Variants in CGN observed in about 807,000 individuals in gnomAD.
CGN encodes the protein cingulin.
In CGN, 121 loss-of-function variants were observed where a neutral mutation model predicts 157.1. The observed-to-expected ratio is 0.77, with a 90% confidence interval of 0.66 to 0.90. The LOEUF (loss-of-function observed/expected upper bound fraction) is 0.90, where lower values mean the gene tolerates loss of function less well. Among genes scored for constraint, CGN ranks in the 40% least tolerant of loss-of-function variants. The probability of loss-of-function intolerance (pLI) is 0.00; values close to 1 mark genes in which losing one functional copy is unlikely to be tolerated. For missense variants in CGN, 1,424 were observed against 1,520.9 expected (o/e 0.94, Z 1.06); for synonymous variants, 535 against 607.5 (o/e 0.88, Z 1.76).
rs770623243 is a variant in CGN at position 151,535,912 on chromosome 1, A to G, written c.3197+14A>G. On this transcript the variant is annotated intron_variant, in intron 18 of 20. Coordinates refer to ENST00000271636, the MANE Select transcript of CGN (RefSeq NM_020770.3). Reference sequence around the variant, plus strand: ...GGCTGAAGAGAGGTGACATAAGCCTATCCTTCCTCCCTTCCTCCCTCCTTT... The same window carrying G: ...GGCTGAAGAGAGGTGACATAAGCCTGTCCTTCCTCCCTTCCTCCCTCCTTT... 9 of 1,580,576 alleles carry G rather than the reference A, an allele frequency of 5.7e-6. No individual in the cohort carries two copies. The highest frequency in any genetic ancestry group is 4.0e-4 in the Middle Eastern group (2 of 4,952).
chr1:151,535,767 C>T lies in CGN; in HGVS notation c.3079-13C>T, dbSNP rs1368132560. 1 of 1,612,976 alleles carries T rather than the reference C, an allele frequency of 6.2e-7. No homozygotes were observed. Among genetic ancestry groups the T allele is most frequent in the Non-Finnish European group, 8.5e-7 (1 of 1,178,878 alleles). On this transcript the variant is annotated splice_polypyrimidine_tract_variant and intron_variant, in intron 17 of 20. Coordinates refer to ENST00000271636, the MANE Select transcript of CGN (RefSeq NM_020770.3). ...GTGGAGTGCTAACTGTGGAGGCTTC[C>T]TGTCCCTCTCAGAACAAGGACCTGA...
Position 151,532,416 on chromosome 1 carries a change from G to A in CGN, c.2586G>A (p.Gly862=). The A allele has an allele frequency of 6.4e-7, 1 of 1,574,122 alleles. No homozygotes were observed. The highest frequency in any genetic ancestry group is 8.6e-7 in the Non-Finnish European group (1 of 1,164,740). ...CTGTGTTTCAGTTGGAGAAGATCGG[G>A]GAGGACTCTAAGCAAGCCCTGCAGC... ...DRLNKELEKI[G]EDSKQALQQL... Residue 862 remains glycine (G), a synonymous_variant, in exon 14 of 21, where the codon GGG becomes GGA. Coordinates refer to ENST00000271636, the MANE Select transcript of CGN (RefSeq NM_020770.3).
chr1:151,519,062 C>T lies in CGN; in HGVS notation c.543C>T (p.Leu181=). ...CTCCCCTGTCTTCAGTGGACTCACT[C>T]ATCAACAAGTTTGACAGTCAACTTG... ...DTAPLSSVDS[L]INKFDSQLGG... is the part of the protein sequence containing the mutation. The change falls in exon 2 of 21, where the codon CTC becomes CTT. Residue 181 remains leucine, a synonymous_variant. Transcript: ENST00000271636. 1 of 1,614,126 alleles carries T rather than the reference C, an allele frequency of 6.2e-7. No homozygotes were observed. Among genetic ancestry groups the T allele is most frequent in the Non-Finnish European group, 8.5e-7 (1 of 1,180,036 alleles).
Position 151,519,341 on chromosome 1 carries a change from T to C in CGN, c.822T>C (p.Leu274=). Residue 274 remains leucine, a synonymous_variant, in exon 2 of 21, where the codon CTT becomes CTC. Coordinates refer to ENST00000271636, the MANE Select transcript of CGN (RefSeq NM_020770.3). ...CTCGTCAGACTCAGGACTGGGTCCT[T>C]CAGAGTTTTGAGGAGCCGCGGAGGA... ...SRSRQTQDWV[L]QSFEEPRRSA... The C allele has an allele frequency of 6.2e-7, 1 of 1,608,894 alleles. No homozygotes were observed. Among genetic ancestry groups the C allele is most frequent in the Non-Finnish European group, 8.5e-7 (1 of 1,179,964 alleles).
chr1:151,521,571 G>A (rs1249305069), intron 5 of CGN, among the ~76,000 whole-genome samples: 2 of 152,200 alleles, frequency 1.3e-5, no homozygotes, highest in East Asian at 3.8e-4. Context: ...CCAGCCGGGC[G>A]CAGTGGCTCA....
intron 1 of CGN, 33 bp from the exon 2 acceptor site, chr1:151,518,472 TC>T: frequency 6.6e-7 from 1 of 1,520,234 alleles, no homozygotes; most frequent in Non-Finnish European, 8.9e-7. Context: ...TCTAGTGAAG[TC>T]TCTCAGCCTA....
At chr1:151,522,477 T>G (rs1199190249) in intron 5 of CGN, among the ~76,000 whole-genome samples, 1 of 150,068 alleles carries the variant, frequency 6.7e-6, no homozygotes, top group African/African-American at 2.5e-5. Context: ...ATACAAAAAT[T>G]AGTTGGGCAT....
At chr1:151,517,051 G>A (rs147820941) in intron 1 of CGN, among the ~76,000 whole-genome samples, 6,066 of 151,786 alleles carry the variant, frequency 0.04, 173 homozygotes, top group Non-Finnish European at 0.065. Context: ...CCAGCTACTC[G>A]GGAGGCTGAG....
chr1:151,527,433 T>C (rs1664707487), intron 10 of CGN, among the ~76,000 whole-genome samples: 1 of 152,202 alleles, frequency 6.6e-6, no homozygotes, highest in Admixed American at 6.5e-5. Flanking sequence ...GAAATCTAAT[T>C]TGGTCAGCAT....
At position 151,518,828 on chromosome 1, in the gene CGN, C is replaced by A; in HGVS notation, c.309C>A (p.Asn103Lys). The A allele has an allele frequency of 6.2e-7, 1 of 1,614,038 alleles. No individual in the cohort carries two copies. The highest frequency in any genetic ancestry group is 8.5e-7 in the Non-Finnish European group (1 of 1,179,922). Residue 103 changes from asparagine (N) to lysine (K), a missense_variant, in exon 2 of 21, where the codon AAC becomes AAA. Asn to Lys is a moderately conservative substitution (Grantham distance 94). Coordinates refer to ENST00000271636, the MANE Select transcript of CGN (RefSeq NM_020770.3). ...ALSSDLELPE[N>K]PYSQVKGFPA... ...GCTCAGATTTGGAACTCCCTGAGAA[C>A]CCCTACTCTCAGGTCAAGGGATTTC...
intron 8 of CGN, 166 bp from the exon 9 acceptor site, chr1:151,525,473 TGAG>T (rs1664650923): frequency 6.6e-6 from 3 of 452,096 alleles, no homozygotes; most frequent in South Asian, 5.2e-5. Flanking sequence ...GACTGTGACT[TGAG>T]GAGAGAATCT....
At chr1:151,514,968 C>A (rs1452782273) in intron 1 of CGN, among the ~76,000 whole-genome samples, 1 of 151,462 alleles carries the variant, frequency 6.6e-6, no homozygotes, top group Admixed American at 6.6e-5. Flanking sequence ...TCTTGTTTTT[C>A]TCTCCTTTTT....
Position 151,518,961 on chromosome 1 carries a change from G to C in CGN, c.442G>C (p.Asp148His). The C allele has an allele frequency of 6.2e-7, 1 of 1,614,214 alleles. No individual in the cohort carries two copies. Among genetic ancestry groups the C allele is most frequent in the Non-Finnish European group, 8.5e-7 (1 of 1,180,040 alleles). Residue 148 changes from aspartate to histidine, a missense_variant, in exon 2 of 21, where the codon GAT becomes CAT. Coordinates refer to ENST00000271636, the MANE Select transcript of CGN (RefSeq NM_020770.3). ...CTCACTGGCAGGCCCTGGCCCAGTG[G>C]ATCCTAGTAACAGAAGCAACAGCAT... ...QASLAGPGPV[D>H]PSNRSNSMLE...
chr1:151,521,352 T>C (rs950994705), intron 5 of CGN, among the ~76,000 whole-genome samples: 20 of 152,238 alleles, frequency 1.3e-4, no homozygotes, highest in African/African-American at 4.6e-4. Context: ...AGTGTAATGA[T>C]TAAGTGATTG....
At chr1:151,533,653 G>C (rs1664890921) in intron 14 of CGN, among the ~76,000 whole-genome samples, 1 of 151,800 alleles carries the variant, frequency 6.6e-6, no homozygotes, top group Non-Finnish European at 1.5e-5. Flanking sequence ...AATTAGCCAA[G>C]CGTGGTGGCA....
Position 151,518,577 on chromosome 1 carries a change from A to G in CGN, c.58A>G (p.Ile20Val). 1 of 1,614,054 alleles carries G rather than the reference A, an allele frequency of 6.2e-7. No individual in the cohort carries two copies. Among genetic ancestry groups the G allele is most frequent in the South Asian group, 1.1e-5 (1 of 91,078 alleles). The stretch of plus-strand genomic sequence containing the variant: ...GGGCCCCGTAGACCATGGAGTCCAG[A>G]TTCGCTTCATCACAGAGCCAGTGAG... ...PRGPVDHGVQ[I>V]RFITEPVSGA... is the part of the protein sequence containing the mutation. The change falls in exon 2 of 21, where the codon ATT (isoleucine) becomes GTT (valine). Residue 20 changes from isoleucine (I) to valine (V), a missense_variant. This residue lies in a region of CGN where 1,187 missense variants were observed against 1,217.6 expected (regional missense o/e 0.97). Transcript: ENST00000271636.
intron 16 of CGN, 103 bp downstream of exon 16, chr1:151,535,234 A>G (rs980021898): frequency 5.6e-6 from 5 of 899,540 alleles, no homozygotes; most frequent in Non-Finnish European, 8.9e-6. Flanking sequence ...CTGGCTGCCG[A>G]ATCTGTGCGT....
chr1:151,520,975 C>T (rs1434955561), intron 5 of CGN, among the ~76,000 whole-genome samples: 1 of 152,160 alleles, frequency 6.6e-6, no homozygotes, highest in Non-Finnish European at 1.5e-5. Flanking sequence ...AAGAAAATTA[C>T]TTACATTCTC....
chr1:151,527,064 G>C lies in CGN; in HGVS notation c.1853G>C (p.Arg618Pro), dbSNP rs753255750. Residue 618 changes from arginine to proline, a missense_variant, in exon 10 of 21, where the codon CGA becomes CCA. Around this residue, in one of 3 missense-constraint regions of CGN, gnomAD observed 1,187 missense variants for 1,217.6 expected, o/e 0.97. Coordinates refer to ENST00000271636, the MANE Select transcript of CGN (RefSeq NM_020770.3). ...TTGCAGAGGGAATTAGAGCAGGCCC[G>C]AGCTAGTGCTGGAGATACTCGCCAG... Reference protein sequence around the residue: ...EVLQRELEQARASAGDTRQVE... With the variant: ...EVLQRELEQAPASAGDTRQVE... The C allele has an allele frequency of 4.3e-6, 7 of 1,614,146 alleles. No individual in the cohort carries two copies. The highest frequency in any genetic ancestry group is 2.2e-5 in the East Asian group (1 of 44,884).
Sources: gnomAD v4.1 joint callset for allele counts (sites outside exome capture counted in the v4.1 genomes callset) on GRCh38, gnomAD v4.1.1 for gene constraint, gnomAD v4.1.1 regional missense constraint, MANE v1.5 for transcripts, NCBI Gene and HGNC (gene_info 2026-07-23, HGNC 2026-07-21) for gene names.